RNF2: variants seen among roughly 807,000 people sequenced by gnomAD.
RNF2 encodes E3 ubiquitin-protein ligase RING2.
In RNF2, 6 loss-of-function variants were observed where a neutral mutation model predicts 37.2. The ratio of observed to expected loss-of-function variants is 0.16; its 90% CI spans 0.09 to 0.32. The LOEUF is 0.32. RNF2 is among the 10% of genes least tolerant of loss of function. The probability of loss-of-function intolerance (pLI) is 1.00; values close to 1 mark genes in which losing one functional copy is unlikely to be tolerated. For synonymous variants in RNF2, 133 were observed against 132.7 expected, an observed-to-expected ratio of 1.00 and a Z score of -0.02; for missense variants, 251 against 404.0, an observed-to-expected ratio of 0.62 and a Z score of 3.25.
chr1:185,058,743 A>C (rs181434336), intron 1 of RNF2, among the ~76,000 whole-genome samples: 1 of 152,334 alleles, frequency 6.6e-6, no homozygotes, highest in East Asian at 1.9e-4. Context: ...GTTGCTTATA[A>C]GTAGCTTTGC....
intron 1 of RNF2, among the ~76,000 whole-genome samples, chr1:185,071,212 G>A (rs1483461547): frequency 6.6e-6 from 1 of 152,164 alleles, no homozygotes; most frequent in Non-Finnish European, 1.5e-5. Context: ...TCATCTCAGG[G>A]TAGGCCAAGG....
chr1:185,094,288 G>A (rs1395788286), intron 4 of RNF2, among the ~76,000 whole-genome samples: 1 of 151,928 alleles, frequency 6.6e-6, no homozygotes, highest in Non-Finnish European at 1.5e-5. Flanking sequence ...GAGTACAGGT[G>A]CACGCCACCA....
chr1:185,086,238 T>C (rs1571320078), intron 1 of RNF2, among the ~76,000 whole-genome samples: 1 of 152,332 alleles, frequency 6.6e-6, no homozygotes, highest in South Asian at 2.1e-4. Context: ...GTTGTTTATC[T>C]ATTTGCATGC....
intron 1 of RNF2, among the ~76,000 whole-genome samples, chr1:185,062,328 GT>G (rs922489994): frequency 3.3e-5 from 5 of 152,236 alleles, no homozygotes; most frequent in Middle Eastern, 3.4e-3. Flanking sequence ...ATGTTTTACA[GT>G]TTTCAGATAG....
At chr1:185,070,608 T>G (rs1259291624) in intron 1 of RNF2, among the ~76,000 whole-genome samples, 1 of 151,880 alleles carries the variant, frequency 6.6e-6, no homozygotes, top group Non-Finnish European at 1.5e-5. Context: ...TTGCTACATC[T>G]AACTTCTGTA....
rs148331333 is a variant in RNF2, at chr1:185,049,711, C to G, written c.-3+4062C>G. Among the ~76,000 whole-genome samples the G allele has an allele frequency of 4.9e-4, 74 of 150,970 alleles. No homozygotes were observed. In the East Asian group the frequency reaches 0.014, roughly 28 times the overall value. On this transcript the variant is annotated intron_variant, in intron 1 of 6. Coordinates refer to ENST00000367510, the MANE Select transcript of RNF2 (RefSeq NM_007212.4). ...GGGGAGGGGGGAACATTACAGTAAT[C>G]AGAACCTAAGAGCTCAGAGAAGAGG...
intron 1 of RNF2, among the ~76,000 whole-genome samples, chr1:185,053,775 T>C (rs954591889): frequency 2.0e-5 from 3 of 152,218 alleles, no homozygotes; most frequent in African/African-American, 7.2e-5. Flanking sequence ...AATAAATATC[T>C]AAAAGGAGTA....
chr1:185,053,653 T>C (rs1650336972), intron 1 of RNF2, among the ~76,000 whole-genome samples: 1 of 152,114 alleles, frequency 6.6e-6, no homozygotes, highest in African/African-American at 2.4e-5. Context: ...ACATCCAGCC[T>C]GAATTTTATT....
At chr1:185,074,806 T>C (rs1046354719) in intron 1 of RNF2, among the ~76,000 whole-genome samples, 1 of 152,152 alleles carries the variant, frequency 6.6e-6, no homozygotes, top group African/African-American at 2.4e-5. Context: ...TTGTAAGTAA[T>C]CTAGAGATGA....
At position 185,087,561 on chromosome 1, in the gene RNF2, A is replaced by G. The variant is rs780049914; in HGVS notation, c.8A>G (p.Gln3Arg). 2 of 1,614,006 alleles carry G rather than the reference A, an allele frequency of 1.2e-6. No individual in the cohort carries two copies. The highest frequency in any genetic ancestry group is 1.1e-5 in the South Asian group (1 of 91,080). The change falls in exon 2 of 7, where the codon CAG becomes CGG. Residue 3 changes from glutamine (Q) to arginine (R), a missense_variant. Around this residue, in one of 7 missense-constraint regions of RNF2, gnomAD observed 43 missense variants for 82.7 expected, o/e 0.52. Coordinates refer to ENST00000367510, the MANE Select transcript of RNF2 (RefSeq NM_007212.4). MSQAVQTNGTQPL... is the reference protein window; with the variant it reads MSRAVQTNGTQPL... ...TCTTCTTTATTTCCAGCAATGTCTC[A>G]GGCTGTGCAGACAAACGGAACTCAA...
At chr1:185,097,958 T>C in intron 4 of RNF2, 114 bp from the exon 5 acceptor site, 1 of 1,115,062 alleles carries the variant, frequency 9.0e-7, no homozygotes, top group Non-Finnish European at 1.3e-6. Context: ...TCAGAGTAAA[T>C]TCAGTTACCA....
Position 185,097,943 on chromosome 1 carries a change from C to G in RNF2, c.465-129C>G, listed in dbSNP as rs1361300774. On this transcript the variant is annotated intron_variant, in intron 4 of 6. Transcript: ENST00000367510. ...AGGAACATGTGGGAAACAATATCAT[C>G]CAACTCAGAGTAAATTCAGTTACCA... is the stretch of plus-strand genomic sequence containing the variant. 3 of 937,498 alleles carry G rather than the reference C, an allele frequency of 3.2e-6. No homozygotes were observed. The East Asian group carries it at 7.8e-5, about 24-fold the overall frequency. The allele number at this position is 937,498 out of a possible 1,614,324, so 58.1% of individuals were successfully genotyped here.
At position 185,073,821 on chromosome 1, in the gene RNF2, C is replaced by T. The variant is rs555032694; in HGVS notation, c.-2-13731C>T. On this transcript the variant is annotated intron_variant, in intron 1 of 6. Transcript: ENST00000367510. ...ACTAAATATGTGGTTTTTTGCTACACTAACAATTCTCCAACTCTTTAGTCA... is the reference window on the plus strand; with the variant it reads ...ACTAAATATGTGGTTTTTTGCTACATTAACAATTCTCCAACTCTTTAGTCA... 2.0e-4 allele frequency among the ~76,000 whole-genome samples: 31 copies of T among 152,322 alleles called. 1 individual carries two copies. Among genetic ancestry groups the T allele is most frequent in the Admixed American group, 2.0e-3 (30 of 15,294 alleles).
At chr1:185,069,456 T>TA (rs768648029) in intron 1 of RNF2, among the ~76,000 whole-genome samples, 3,482 of 94,052 alleles carry the variant, frequency 0.037, 92 homozygotes, top group East Asian at 0.18. Flanking sequence ...AGACCCTGTC[T>TA]AAAAAAAAAA....
intron 1 of RNF2, among the ~76,000 whole-genome samples, chr1:185,086,960 AT>A (rs879565331): frequency 6.6e-6 from 1 of 152,222 alleles, no homozygotes; most frequent in Non-Finnish European, 1.5e-5. Flanking sequence ...CACTTTTGAT[AT>A]GCTAAGTACT....
rs1003170647 is a variant in RNF2 at position 185,093,793 on chromosome 1, T to C, written c.464+517T>C. The stretch of plus-strand genomic sequence containing the variant: ...ATGTCATTAACTGTTCCTTTACTTG[T>C]TTCTTTTGTACTTTTTATTTCAATT... On this transcript the variant is annotated intron_variant, in intron 4 of 6. Transcript: ENST00000367510. 2.6e-5 allele frequency among the ~76,000 whole-genome samples: 4 copies of C among 152,218 alleles called. No homozygotes were observed. The East Asian group carries it at 5.8e-4, about 22-fold the overall frequency.
intron 1 of RNF2, 53 bp downstream of exon 1, chr1:185,045,702 C>G (rs985874908): frequency 6.6e-6 from 1 of 152,044 alleles, no homozygotes; most frequent in African/African-American, 2.4e-5. Flanking sequence ...GGCCGGGACA[C>G]GCGTCTACTC....
chr1:185,073,358 A>G (rs1387795324), intron 1 of RNF2, among the ~76,000 whole-genome samples: 2 of 152,188 alleles, frequency 1.3e-5, no homozygotes, highest in African/African-American at 2.4e-5. Flanking sequence ...ATCAAAACTT[A>G]GGAGCCATTT....
At chr1:185,079,965 T>G (rs1467554850) in intron 1 of RNF2, among the ~76,000 whole-genome samples, 1 of 151,998 alleles carries the variant, frequency 6.6e-6, no homozygotes, top group Non-Finnish European at 1.5e-5. Context: ...TTTAAACTTG[T>G]TATAATTTTG....
Sources: gnomAD v4.1 joint callset for allele counts (sites outside exome capture counted in the v4.1 genomes callset) on GRCh38, gnomAD v4.1.1 for gene constraint, gnomAD v4.1.1 regional missense constraint, MANE v1.5 for transcripts, NCBI Gene and HGNC (gene_info 2026-07-23, HGNC 2026-07-21) for gene names.